The following CCDC146 variants were observed in gnomAD, a reference collection of about 807,000 sequenced individuals.
The protein encoded by CCDC146 is coiled-coil domain containing 146.
In CCDC146, 92 loss-of-function variants were observed where a neutral mutation model predicts 119.3. The observed-to-expected ratio is 0.77, with a 90% CI of 0.65 to 0.92. The LOEUF (loss-of-function observed/expected upper bound fraction) is 0.92, where lower values mean the gene tolerates loss of function less well. Among genes scored for constraint, CCDC146 ranks in the 40% least tolerant of loss-of-function variants. CCDC146 has a pLI of 0.00. For missense variants in CCDC146, 1,000 were observed against 1,103.0 expected (o/e 0.91, Z 1.32); for synonymous variants, 372 against 371.8 (o/e 1.00, Z -0.01).
intron 17 of CCDC146, among the ~76,000 whole-genome samples, 155 bp from the exon 18 acceptor site, chr7:77,292,797 A>G (rs917934373): frequency 5.9e-5 from 9 of 152,102 alleles, no homozygotes; most frequent in African/African-American, 2.2e-4. Context: ...CAATATCTGC[A>G]GTCTCTTCCA....
chr7:77,221,271 T>C (rs1055679961), intron 2 of CCDC146, among the ~76,000 whole-genome samples: 3 of 152,222 alleles, frequency 2.0e-5, no homozygotes, highest in Non-Finnish European at 2.9e-5. Context: ...ATCATTGACT[T>C]TGCCTGGATA....
At chr7:77,202,586 A>T (rs1013026894) in intron 2 of CCDC146, among the ~76,000 whole-genome samples, 11 of 152,152 alleles carry the variant, frequency 7.2e-5, no homozygotes, top group African/African-American at 2.2e-4. Context: ...AGTTTCATTG[A>T]CACTGACAGG....
At chr7:77,283,269 T>TA (rs1679139026) in intron 15 of CCDC146, among the ~76,000 whole-genome samples, 1 of 152,224 alleles carries the variant, frequency 6.6e-6, no homozygotes, top group South Asian at 2.1e-4. Flanking sequence ...AGTTCTATGA[T>TA]AGCTTAGTAA....
chr7:77,205,911 C>T (rs1401269403), intron 2 of CCDC146, among the ~76,000 whole-genome samples: 1 of 152,032 alleles, frequency 6.6e-6, no homozygotes, highest in Non-Finnish European at 1.5e-5. Flanking sequence ...GCGAAATCAC[C>T]AAGAAAAAGC....
chr7:77,227,032 T>C (rs184458775), intron 2 of CCDC146, among the ~76,000 whole-genome samples: 2 of 152,328 alleles, frequency 1.3e-5, no homozygotes, highest in East Asian at 3.9e-4. Context: ...GATTTGTTTT[T>C]TTAGAGGAGA....
intron 1 of CCDC146, among the ~76,000 whole-genome samples, chr7:77,133,670 A>G (rs1460270092): frequency 5.7e-5 from 6 of 104,556 alleles, no homozygotes; most frequent in African/African-American, 2.3e-4. Context: ...TTTTTTTTTT[A>G]CCACTTTTAT....
chr7:77,179,763 C>T (rs909330549), intron 2 of CCDC146, among the ~76,000 whole-genome samples: 2 of 152,094 alleles, frequency 1.3e-5, no homozygotes, highest in Admixed American at 6.6e-5. Context: ...TTTAAGTGTA[C>T]CATTTGTGTT....
intron 2 of CCDC146, among the ~76,000 whole-genome samples, chr7:77,182,989 C>T (rs1427104665): frequency 6.6e-6 from 1 of 152,072 alleles, no homozygotes; most frequent in Non-Finnish European, 1.5e-5. Context: ...CTCCCTCCAA[C>T]CTAAAAACCC....
chr7:77,225,806 G>A (rs560412402), intron 2 of CCDC146, among the ~76,000 whole-genome samples: 20 of 152,230 alleles, frequency 1.3e-4, no homozygotes, highest in African/African-American at 4.6e-4. Flanking sequence ...AGCTTGGCAT[G>A]GTGGCGGGCA....
At chr7:77,215,596 C>A (rs923438673) in intron 2 of CCDC146, among the ~76,000 whole-genome samples, 2 of 152,090 alleles carry the variant, frequency 1.3e-5, no homozygotes, top group African/African-American at 4.8e-5. Context: ...TAAAATACAT[C>A]ATAATATTGC....
At chr7:77,247,348 CAG>C (rs34176230) in intron 4 of CCDC146, among the ~76,000 whole-genome samples, 85,305 of 151,918 alleles carry the variant, frequency 0.56, 26,439 homozygotes, top group Non-Finnish European at 0.7. Flanking sequence ...TTTTGAAACT[CAG>C]AAATACTCAG....
At chr7:77,176,353 A>G in intron 2 of CCDC146, among the ~76,000 whole-genome samples, 1 of 151,174 alleles carries the variant, frequency 6.6e-6, no homozygotes, top group Non-Finnish European at 1.5e-5. Flanking sequence ...AATGAGGAAA[A>G]AAGGAGTGAA....
intron 2 of CCDC146, among the ~76,000 whole-genome samples, chr7:77,184,185 A>T (rs1198622980): frequency 6.6e-6 from 1 of 152,102 alleles, no homozygotes; most frequent in African/African-American, 2.4e-5. Flanking sequence ...CATGATACAG[A>T]AAAAAAAGCA....
At chr7:77,238,917 T>G (rs369962349) in intron 3 of CCDC146, among the ~76,000 whole-genome samples, 31 of 152,354 alleles carry the variant, frequency 2.0e-4, no homozygotes, top group African/African-American at 7.2e-4. Context: ...TTTTACATCT[T>G]GACCACTTAG....
intron 18 of CCDC146, among the ~76,000 whole-genome samples, 199 bp from the exon 19 acceptor site, chr7:77,294,462 AGG>A (rs1562865764): frequency 9.7e-6 from 1 of 103,000 alleles, no homozygotes; most frequent in Admixed American, 9.3e-5. Context: ...AATGAGAGGT[AGG>A]TGTGTGTGTG....
rs865820285 is a variant in CCDC146, at chr7:77,176,208, T to C, written c.156+8384T>C. Among the ~76,000 whole-genome samples the C allele has an allele frequency of 2.9e-4, 44 of 151,256 alleles. 2 individuals carry two copies. The highest frequency in any genetic ancestry group is 1.0e-3 in the African/African-American group (42 of 40,816). On this transcript the variant is annotated intron_variant, in intron 2 of 18. Coordinates refer to ENST00000285871, the MANE Select transcript of CCDC146 (RefSeq NM_020879.3). ...ATTATCCTTCTCCGGAACCCAACTCTGCTCCTGGGTTCTGTCAGTTGGTTC... is the reference window on the plus strand; with the variant it reads ...ATTATCCTTCTCCGGAACCCAACTCCGCTCCTGGGTTCTGTCAGTTGGTTC...
Position 77,278,962 on chromosome 7 carries a change from G to T in CCDC146, c.1555G>T (p.Asp519Tyr). ...RRLREFAKLY[D>Y]TIRNERNKFV... is the part of the protein sequence containing the mutation. ...ACTGAGAGAGTTTGCTAAACTGTATGACACCATTCGAAATGAAAGAAACAA... is the reference window on the plus strand; with the variant it reads ...ACTGAGAGAGTTTGCTAAACTGTATTACACCATTCGAAATGAAAGAAACAA... The change falls in exon 13 of 19, where the codon GAC becomes TAC. Residue 519 changes from aspartate (D) to tyrosine (Y), a missense_variant. By Grantham distance (160) the Asp-to-Tyr change is radical. This residue lies in a region of CCDC146 where 985 missense variants were observed against 1,045.3 expected (regional missense o/e 0.94). Transcript: ENST00000285871. The T allele has an allele frequency of 6.2e-7, 1 of 1,611,490 alleles. No homozygotes were observed. Among genetic ancestry groups the T allele is most frequent in the South Asian group, 1.1e-5 (1 of 90,314 alleles).
intron 2 of CCDC146, among the ~76,000 whole-genome samples, chr7:77,223,139 A>G (rs1458144552): frequency 1.3e-5 from 2 of 152,134 alleles, no homozygotes; most frequent in South Asian, 2.1e-4. Flanking sequence ...ACCTGCTACC[A>G]TCTCCCCCCA....
chr7:77,283,961 C>G (rs1793806106), intron 15 of CCDC146, among the ~76,000 whole-genome samples: 1 of 152,100 alleles, frequency 6.6e-6, no homozygotes. Flanking sequence ...AGATTGAGAT[C>G]GATTGGCTAG....
Sources: allele counts gnomAD v4.1 joint callset (sites outside exome capture counted in the v4.1 genomes callset), GRCh38; gene constraint gnomAD v4.1.1; regional missense constraint gnomAD v4.1.1; transcripts MANE v1.5; gene names NCBI Gene and HGNC (gene_info 2026-07-23, HGNC 2026-07-21).